CD1B: variants seen among roughly 807,000 people sequenced by gnomAD.
The protein encoded by CD1B is CD1b molecule.
A neutral mutation model predicts 39.8 loss-of-function variants in CD1B; 43 were observed. The observed-to-expected ratio is 1.08, with a 90% CI of 0.85 to 1.39. The LOEUF (loss-of-function observed/expected upper bound fraction) is 1.39, where lower values mean the gene tolerates loss of function less well. Among genes scored for constraint, CD1B ranks in the 40% most tolerant of loss-of-function variants. The pLI, the probability that CD1B is intolerant of heterozygous loss-of-function variation, is 0.00. For missense variants in CD1B, 495 were observed against 403.8 expected, an observed-to-expected ratio of 1.23 and a Z score of -1.94; for synonymous variants, 192 against 152.5, an observed-to-expected ratio of 1.26 and a Z score of -1.91.
chr1:158,302,647 G>T, the CD1B span, among the ~76,000 whole-genome samples: 1 of 152,082 alleles, frequency 6.6e-6, no homozygotes, highest in African/African-American at 2.4e-5. Flanking sequence ...CTCAGATACT[G>T]TTATGAACAC....
chr1:158,316,350 T>G, the CD1B span, among the ~76,000 whole-genome samples: 9 of 151,916 alleles, frequency 5.9e-5, no homozygotes, highest in Admixed American at 1.3e-4. Context: ...TGGTTTGTAG[T>G]TCTCCTTGAA....
the CD1B span, chr1:158,293,002 T>G: frequency 1.0e-6 from 1 of 962,952 alleles, no homozygotes. Context: ...ATTTAAAGAA[T>G]AGTGGAGTAA....
At chr1:158,318,308 G>T in the CD1B span, among the ~76,000 whole-genome samples, 17 of 152,142 alleles carry the variant, frequency 1.1e-4, no homozygotes, top group Admixed American at 2.6e-4. Context: ...AAGTCTCTTT[G>T]TAGGTCACTC....
downstream of CD1B, among the ~76,000 whole-genome samples, chr1:158,326,133 G>A (rs1380130655): frequency 6.6e-6 from 1 of 152,046 alleles, no homozygotes; most frequent in African/African-American, 2.4e-5. Flanking sequence ...ATCATGCCCG[G>A]CTAATTTTTT....
chr1:158,307,875 A>T, the CD1B span, among the ~76,000 whole-genome samples: 1 of 152,326 alleles, frequency 6.6e-6, no homozygotes, highest in Admixed American at 6.5e-5. Context: ...CACAGGCAAT[A>T]TCATACTGAA....
At chr1:158,309,827 G>A in the CD1B span, among the ~76,000 whole-genome samples, 1 of 105,700 alleles carries the variant, frequency 9.5e-6, no homozygotes, top group African/African-American at 3.5e-5. Flanking sequence ...ACCGGGGCCT[G>A]TTGTGGGGTG....
downstream of CD1B, among the ~76,000 whole-genome samples, chr1:158,327,075 G>T (rs1652380851): frequency 6.6e-6 from 1 of 152,182 alleles, no homozygotes; most frequent in African/African-American, 2.4e-5. Context: ...GGGATTACAG[G>T]CGTGAGCCAC....
the CD1B span, among the ~76,000 whole-genome samples, chr1:158,303,874 C>T: frequency 7.2e-5 from 11 of 152,114 alleles, no homozygotes; most frequent in Non-Finnish European, 1.2e-4. Context: ...CAGTGCTACT[C>T]CTATCAAAGT....
the CD1B span, among the ~76,000 whole-genome samples, chr1:158,298,483 T>C: frequency 6.6e-6 from 1 of 152,188 alleles, no homozygotes. Flanking sequence ...TTGCTTAGGA[T>C]TGTCTTGGCA....
chr1:158,331,504 T>C lies in CD1B; in HGVS notation c.-81A>G, dbSNP rs909051649. On this transcript the variant is annotated 5_prime_UTR_variant, in exon 1 of 6. Coordinates refer to ENST00000368168, the MANE Select transcript of CD1B (RefSeq NM_001764.3). Reference sequence around the variant, plus strand: ...AGCAAAGCTTTTCCTCAGTACCCTGTAGTGACTTCTTCTCTCTTCCAACTG... The same window carrying C: ...AGCAAAGCTTTTCCTCAGTACCCTGCAGTGACTTCTTCTCTCTTCCAACTG... The C allele has an allele frequency of 1.8e-6, 2 of 1,127,750 alleles. No homozygotes were observed. Among genetic ancestry groups the C allele is most frequent in the Non-Finnish European group, 1.3e-6 (1 of 752,450 alleles). 69.9% of individuals were successfully genotyped at this position (1,127,750 alleles called of 1,614,324 possible).
the CD1B span, among the ~76,000 whole-genome samples, chr1:158,310,215 G>T: frequency 6.6e-5 from 10 of 152,146 alleles, no homozygotes; most frequent in Admixed American, 6.5e-4. Context: ...AGAAGCAATG[G>T]GGTGAAGACT....
At chr1:158,325,244 C>G (rs553764767), downstream of CD1B, among the ~76,000 whole-genome samples, 2 of 152,236 alleles carry the variant, frequency 1.3e-5, no homozygotes, top group East Asian at 3.9e-4. Context: ...GACTCCTTTT[C>G]TGAGGGTCCA....
the CD1B span, among the ~76,000 whole-genome samples, chr1:158,309,345 G>A: frequency 6.6e-6 from 1 of 152,174 alleles, no homozygotes; most frequent in African/African-American, 2.4e-5. Flanking sequence ...GGTGTGGAGA[G>A]GATGTGGAGA....
chr1:158,303,257 A>G, the CD1B span, among the ~76,000 whole-genome samples: 3 of 152,218 alleles, frequency 2.0e-5, no homozygotes, highest in African/African-American at 7.2e-5. Context: ...CCCTTAAGAA[A>G]CTAGGCATTA....
the CD1B span, among the ~76,000 whole-genome samples, chr1:158,301,151 T>C: frequency 1.3e-4 from 20 of 152,066 alleles, no homozygotes; most frequent in African/African-American, 4.8e-4. Flanking sequence ...TGGTAGAGTG[T>C]CCTCCATCCC....
the CD1B span, among the ~76,000 whole-genome samples, chr1:158,305,139 G>A: frequency 3.9e-5 from 6 of 152,054 alleles, no homozygotes; most frequent in Non-Finnish European, 5.9e-5. Context: ...AAACTACTCC[G>A]AGCTAAAAGA....
At chr1:158,307,359 G>A in the CD1B span, among the ~76,000 whole-genome samples, 2,217 of 151,908 alleles carry the variant, frequency 0.015, 54 homozygotes, top group African/African-American at 0.049. Context: ...TCCTCGACAC[G>A]TACACCCCCC....
chr1:158,307,465 C>T, the CD1B span, among the ~76,000 whole-genome samples: 1 of 152,056 alleles, frequency 6.6e-6, no homozygotes, highest in East Asian at 1.9e-4. Flanking sequence ...CAAAAAAAGT[C>T]CAGGACCCAA....
chr1:158,317,500 G>A, the CD1B span, among the ~76,000 whole-genome samples: 1 of 152,110 alleles, frequency 6.6e-6, no homozygotes, highest in Non-Finnish European at 1.5e-5. Flanking sequence ...CGTGGGATCG[G>A]TGGTGATATC....
Sources: allele counts gnomAD v4.1 joint callset (sites outside exome capture counted in the v4.1 genomes callset), GRCh38; gene constraint gnomAD v4.1.1; transcripts MANE v1.5; gene names NCBI Gene and HGNC (gene_info 2026-07-23, HGNC 2026-07-21).